The following KHSRP variants were observed in gnomAD, a reference collection of about 807,000 sequenced individuals.
The protein encoded by KHSRP is far upstream element-binding protein 2.
KHSRP carries 13 observed loss-of-function variants against 94.9 expected under a neutral mutation model. The observed-to-expected ratio is 0.14, with a 90% CI of 0.09 to 0.22. The LOEUF (loss-of-function observed/expected upper bound fraction) is 0.22, where lower values mean the gene tolerates loss of function less well. Among genes scored for constraint, KHSRP ranks in the 10% least tolerant of loss-of-function variants. The pLI, the probability that KHSRP is intolerant of heterozygous loss-of-function variation, is 1.00. For synonymous variants in KHSRP, 495 were observed against 401.4 expected (o/e 1.23, Z -2.79); for missense variants, 710 against 1,010.0 (o/e 0.70, Z 4.03).
chr19:6,424,366 CTG>C, intron 1 of KHSRP, 85 bp downstream of exon 1: 1 of 650,940 alleles, frequency 1.5e-6, no homozygotes, highest in Non-Finnish European at 1.9e-6. Context: ...CTCCGCGACC[CTG>C]CGCGCGCGCG....
chr19:6,420,007 A>G, intron 6 of KHSRP, 66 bp downstream of exon 6: 1 of 1,239,910 alleles, frequency 8.1e-7, no homozygotes, highest in Non-Finnish European at 1.2e-6. Flanking sequence ...AAATTAAGTA[A>G]TTAAAGGAAA....
In KHSRP at chr19:6,424,614, G is replaced by C. The variant is rs1035736130; in HGVS notation, c.88C>G (p.Pro30Ala). 13 of 968,778 alleles carry C rather than the reference G, an allele frequency of 1.3e-5. No homozygotes were observed. Among genetic ancestry groups the C allele is most frequent in the African/African-American group, 1.8e-5 (1 of 55,386 alleles). 60.0% of individuals were successfully genotyped at this position (968,778 alleles called of 1,614,324 possible). Residue 30 changes from proline (P) to alanine (A), a missense_variant, in exon 1 of 19, where the codon CCT becomes GCT. Transcript: ENST00000600480. ...CCCGCGCCTGGCGGGCCCGGCGGAG[G>C]GCCTCCCCCGGCGCCTCCGGCTCCC... The part of the protein sequence containing the change: ...GGGAGGAGGG[P>A]PPGPPGAGDR...
At position 6,417,008 on chromosome 19, in the gene KHSRP, G is replaced by A. The variant is rs776697853; in HGVS notation, c.1161C>T (p.Asn387=). The part of the protein sequence containing the change: ...DRCEHAARII[N]DLLQSLRSGP... ...CTACCCTGAGGCTCTGGAGGAGGTC[G>A]TTGATGATCCGGGCTGCGTGCTCGC... The change falls in exon 12 of 19, where the codon AAC becomes AAT. Residue 387 remains asparagine, a synonymous_variant. Coordinates refer to ENST00000600480, the MANE Select transcript of KHSRP (RefSeq NM_001366299.1). 1.5e-5 allele frequency: 25 copies of A among 1,613,774 alleles called. 1 individual carries two copies. The highest frequency in any genetic ancestry group is 3.3e-5 in the South Asian group (3 of 91,072).
In KHSRP at chr19:6,418,089, C is replaced by A; in HGVS notation, c.880-10G>T. 2.5e-6 allele frequency: 4 copies of A among 1,612,498 alleles called. No homozygotes were observed. Among genetic ancestry groups the A allele is most frequent in the South Asian group, 2.2e-5 (2 of 91,008 alleles). ...CCATCTCACAGGCTTGCTGCAAACA[C>A]ACAGGAAGCAGCCCCCATGGGTGAG... On this transcript the variant is annotated splice_polypyrimidine_tract_variant and intron_variant, in intron 9 of 18. Transcript: ENST00000600480. The surrounding 1 kb of genome is among the most constrained non-coding windows in gnomAD (Gnocchi z 4.3).
At chr19:6,422,168 G>A (rs982045244) in intron 2 of KHSRP, among the ~76,000 whole-genome samples, 172 bp downstream of exon 2, 12 of 152,166 alleles carry the variant, frequency 7.9e-5, no homozygotes, top group African/African-American at 2.9e-4. Flanking sequence ...TCTGCCACCT[G>A]ATACCTCAGG....
Position 6,416,300 on chromosome 19 carries a change from T to C in KHSRP, c.1596A>G (p.Pro532=). The C allele has an allele frequency of 6.2e-7, 1 of 1,600,890 alleles. No homozygotes were observed. Among genetic ancestry groups the C allele is most frequent in the Non-Finnish European group, 8.5e-7 (1 of 1,175,992 alleles). ...PFNQGPPGAP[P]HAGGPPPHQY... ...CCCAGGAGGCAGAGGATACTCACTG[T>C]GGGGGAGCCCCGGGTGGCCCCTGGT... The change falls in exon 15 of 19, where the codon CCA becomes CCG. Residue 532 remains proline, a splice_region_variant and synonymous_variant. Coordinates refer to ENST00000600480, the MANE Select transcript of KHSRP (RefSeq NM_001366299.1).
At chr19:6,422,094 G>A (rs956483835) in intron 2 of KHSRP, among the ~76,000 whole-genome samples, 1 of 152,166 alleles carries the variant, frequency 6.6e-6, no homozygotes, top group Non-Finnish European at 1.5e-5. Context: ...CAGCCTCCCA[G>A]AAAGGGAGGA....
chr19:6,419,435 T>C (rs912964004), intron 6 of KHSRP, among the ~76,000 whole-genome samples, 175 bp from the exon 7 acceptor site: 1 of 152,140 alleles, frequency 6.6e-6, no homozygotes, highest in Non-Finnish European at 1.5e-5. Flanking sequence ...AAGGCCAAGG[T>C]TGGGAAGAGA....
chr19:6,415,266 G>C lies in KHSRP; in HGVS notation c.2002C>G (p.Pro668Ala). 1 of 1,612,948 alleles carries C rather than the reference G, an allele frequency of 6.2e-7. No individual in the cohort carries two copies. The highest frequency in any genetic ancestry group is 1.1e-5 in the South Asian group (1 of 91,090). Residue 668 changes from proline to alanine, a missense_variant, in exon 19 of 19, where the codon CCA (proline) becomes GCA (alanine). This residue lies in a region of KHSRP where 292 missense variants were observed against 340.5 expected (regional missense o/e 0.86). Coordinates refer to ENST00000600480, the MANE Select transcript of KHSRP (RefSeq NM_001366299.1). Reference sequence around the variant, plus strand: ...GCACTGTAGTCTGGCTGGGAGCCTGGGGGAGCTCCTGGACCCCCTCCGGTG... The same window carrying C: ...GCACTGTAGTCTGGCTGGGAGCCTGCGGGAGCTCCTGGACCCCCTCCGGTG... Reference protein sequence around the residue: ...VATGGGPGAPPGSQPDYSAAW... With the variant: ...VATGGGPGAPAGSQPDYSAAW...
In KHSRP at chr19:6,424,538, G is replaced by A. The variant is rs2092220400; in HGVS notation, c.164C>T (p.Ala55Val). 1.5e-5 allele frequency: 15 copies of A among 978,350 alleles called. No individual in the cohort carries two copies. The highest frequency in any genetic ancestry group is 1.8e-5 in the Non-Finnish European group (15 of 825,986). 60.6% of individuals were successfully genotyped at this position (978,350 alleles called of 1,614,324 possible). ...PGGGGPGGGS[A>V]GGPSQPPGGG... ...GCCGGGTGGCTGAGAGGGGCCCCCG[G>A]CCGACCCCCCGCCCGGGCCGCCGCC... Residue 55 changes from alanine to valine, a missense_variant, in exon 1 of 19, where the codon GCC becomes GTC. Ala to Val is a moderately conservative substitution (Grantham distance 64). Coordinates refer to ENST00000600480, the MANE Select transcript of KHSRP (RefSeq NM_001366299.1).
rs1332636097 is a variant in KHSRP, at chr19:6,414,262, G to A, written c.*762C>T. ...AAACCTGCGCTGGCTCAGGCTGGAAGGACGTGCTTGTTAACTGTCTAGCCA... is the reference window on the plus strand; with the variant it reads ...AAACCTGCGCTGGCTCAGGCTGGAAAGACGTGCTTGTTAACTGTCTAGCCA... On this transcript the variant is annotated 3_prime_UTR_variant, in exon 19 of 19. Coordinates refer to ENST00000600480, the MANE Select transcript of KHSRP (RefSeq NM_001366299.1). 3 of 1,462,874 alleles carry A rather than the reference G, an allele frequency of 2.1e-6. No homozygotes were observed. The African/African-American group carries it at 4.3e-5, about 21-fold the overall frequency. 90.6% of individuals were successfully genotyped at this position (1,462,874 alleles called of 1,614,324 possible). A position where few individuals can be genotyped will look rare whatever the true frequency, so the allele number is the denominator to read the frequency against.
At chr19:6,415,510 C>T (rs1391836243) in intron 17 of KHSRP, 24 bp downstream of exon 17, 11 of 1,546,702 alleles carry the variant, frequency 7.1e-6, no homozygotes, top group South Asian at 1.2e-5. Context: ...GGGCTGGAGC[C>T]CCCCCGCCAC....
At position 6,413,946 on chromosome 19, in the gene KHSRP, G is replaced by A. The variant is rs2092120270; in HGVS notation, c.*1078C>T. 2 of 820,124 alleles carry A rather than the reference G, an allele frequency of 2.4e-6. No individual in the cohort carries two copies. The allele number at this position is 820,124 out of a possible 1,614,324, so 50.8% of individuals were successfully genotyped here. ...ACACAGAACAGGCGAGAGAGTGAGG[G>A]CCCGGCATGCCCCCAAGTCCCCCCC... On this transcript the variant is annotated 3_prime_UTR_variant, in exon 19 of 19. Coordinates refer to ENST00000600480, the MANE Select transcript of KHSRP (RefSeq NM_001366299.1).
In KHSRP at chr19:6,422,921, T is replaced by C. The variant is rs187834172; in HGVS notation, c.250-485A>G. 1.8e-3 allele frequency among the ~76,000 whole-genome samples: 271 copies of C among 152,314 alleles called. 1 individual carries two copies. The highest frequency in any genetic ancestry group is 6.2e-3 in the African/African-American group (258 of 41,568). ...CTCTCAAAATCCTTTTATCAATTTA[T>C]TGAATAAATTTGAGCAAAGCGATCA... is the stretch of plus-strand genomic sequence containing the variant. On this transcript the variant is annotated intron_variant, in intron 1 of 18. Transcript: ENST00000600480.
rs1301959148 is a variant in KHSRP, at chr19:6,421,385, C to T, written c.386-68G>A. ...CTCGGGCACTTGGCACTGCCTGCCC[C>T]GGGTCAGTGGGAGCTGAGCCCGGCA... On this transcript the variant is annotated intron_variant, in intron 3 of 18. Transcript: ENST00000600480. 2.1e-5 allele frequency: 31 copies of T among 1,503,942 alleles called. No homozygotes were observed. In the Middle Eastern group the frequency reaches 5.1e-4, roughly 25 times the overall value. The allele number at this position is 1,503,942 out of a possible 1,614,324, so 93.2% of individuals were successfully genotyped here.
In KHSRP at chr19:6,415,303, T is replaced by C; in HGVS notation, c.1967-2A>G. ...GACCCCCTCCGGTGGCCACTTGCGC[T>C]GTGGGTGGACAAAGGCAGGTGAGAG... On this transcript the variant is annotated splice_acceptor_variant, in intron 18 of 18. Coordinates refer to ENST00000600480, the MANE Select transcript of KHSRP (RefSeq NM_001366299.1). LOFTEE classifies it high-confidence loss of function. 6.2e-7 allele frequency: 1 copy of C among 1,613,372 alleles called. No homozygotes were observed. The highest frequency in any genetic ancestry group is 8.5e-7 in the Non-Finnish European group (1 of 1,179,826).
At chr19:6,421,371 G>T in intron 3 of KHSRP, 54 bp from the exon 4 acceptor site, 1 of 1,541,996 alleles carries the variant, frequency 6.5e-7, no homozygotes, top group Non-Finnish European at 8.8e-7. Context: ...TCGGGCACTT[G>T]GCACTGCCTG....
intron 4 of KHSRP, chr19:6,421,058 G>GT: frequency 1.7e-6 from 1 of 583,466 alleles, no homozygotes; most frequent in Non-Finnish European, 3.1e-6. Context: ...TATCACTACA[G>GT]TGACTGCCAC....
rs551105875 is a variant in KHSRP at position 6,416,032 on chromosome 19, G to A, written c.1599-136C>T. 4.6e-4 allele frequency: 305 copies of A among 670,292 alleles called. 3 individuals are homozygous for A. In the South Asian group the frequency reaches 5.9e-3, roughly 13 times the overall value. The allele number at this position is 670,292 out of a possible 1,614,324, so 41.5% of individuals were successfully genotyped here. On this transcript the variant is annotated intron_variant, in intron 15 of 18. Transcript: ENST00000600480. ...CAGGCTCAACGGGGCGCCTGGGAAA[G>A]GCCTAGACAAGAAGCAACTCGAAGG...
Sources: gnomAD v4.1 joint callset for allele counts (sites outside exome capture counted in the v4.1 genomes callset) on GRCh38, gnomAD v4.1.1 for gene constraint, gnomAD v4.1.1 regional missense constraint, Gnocchi (gnomAD v3.1) non-coding constraint, MANE v1.5 for transcripts, NCBI Gene and HGNC (gene_info 2026-07-23, HGNC 2026-07-21) for gene names.